Variants in GRM5 observed in about 807,000 individuals in gnomAD.
GRM5 encodes the protein glutamate metabotropic receptor 5.
GRM5 carries 19 observed loss-of-function variants against 83.1 expected under a neutral mutation model. The observed-to-expected ratio is 0.23, with a 90% CI of 0.16 to 0.34. The LOEUF (loss-of-function observed/expected upper bound fraction) is 0.34. GRM5 is among the 10% of genes least tolerant of loss of function. The pLI is 1.00. For synonymous variants in GRM5, 675 were observed against 633.6 expected (o/e 1.07, Z -0.98); for missense variants, 1,160 against 1,588.3 (o/e 0.73, Z 4.58).
intron 3 of GRM5, among the ~76,000 whole-genome samples, chr11:88,713,407 A>G (rs1184943862): frequency 2.0e-5 from 3 of 151,986 alleles, no homozygotes; most frequent in Non-Finnish European, 4.4e-5. Context: ...TGAAGATGAA[A>G]CAAGTTTGGT....
chr11:88,581,800 G>T lies in GRM5; in HGVS notation c.1690+8801C>A, dbSNP rs557878975. 5.8e-4 allele frequency among the ~76,000 whole-genome samples: 88 copies of T among 152,264 alleles called. 1 individual carries two copies. Among genetic ancestry groups the T allele is most frequent in the Middle Eastern group, 3.4e-3 (1 of 294 alleles). On this transcript the variant is annotated intron_variant, in intron 7 of 9. Coordinates refer to ENST00000305447, the MANE Select transcript of GRM5 (RefSeq NM_001143831.3). ...GCGACCGTGAAATGGTGGTGTACTTGCTCTGAATGTTATATTGGAAAAAAT... is the reference window on the plus strand; with the variant it reads ...GCGACCGTGAAATGGTGGTGTACTTTCTCTGAATGTTATATTGGAAAAAAT...
intron 2 of GRM5, among the ~76,000 whole-genome samples, chr11:88,936,471 ACTTT>A (rs1937898356): frequency 6.6e-6 from 1 of 151,734 alleles, no homozygotes; most frequent in Admixed American, 6.6e-5. Flanking sequence ...AATCTCTCAT[ACTTT>A]CTTCTGTTTA....
At chr11:88,601,185 T>C (rs778130035) in intron 5 of GRM5, among the ~76,000 whole-genome samples, 89 of 152,216 alleles carry the variant, frequency 5.8e-4, no homozygotes, top group Non-Finnish European at 4.4e-4. Context: ...TTTCTTTCTA[T>C]GACACAGATT....
chr11:88,861,608 G>A (rs751796540), intron 2 of GRM5, among the ~76,000 whole-genome samples: 1 of 151,952 alleles, frequency 6.6e-6, no homozygotes, highest in Non-Finnish European at 1.5e-5. Context: ...TGGGACTACA[G>A]GCACACACTA....
chr11:89,056,629 T>C (rs979698383), intron 1 of GRM5, among the ~76,000 whole-genome samples: 1 of 152,144 alleles, frequency 6.6e-6, no homozygotes, highest in African/African-American at 2.4e-5. Context: ...GGGGATAATA[T>C]GTCAGTAGAA....
chr11:89,059,202 CTGATA>C (rs1176539048), intron 1 of GRM5, among the ~76,000 whole-genome samples: 1 of 152,020 alleles, frequency 6.6e-6, no homozygotes, highest in Non-Finnish European at 1.5e-5. Flanking sequence ...TTTCTTGAAT[CTGATA>C]TATTTGCAAG....
intron 1 of GRM5, among the ~76,000 whole-genome samples, chr11:89,059,175 C>T (rs540184609): frequency 2.5e-3 from 387 of 152,168 alleles, no homozygotes; most frequent in Non-Finnish European, 4.3e-3. Context: ...TTGTGAACAA[C>T]TAATCATTAG....
At chr11:88,631,147 T>C (rs1938958958) in intron 4 of GRM5, among the ~76,000 whole-genome samples, 1 of 152,158 alleles carries the variant, frequency 6.6e-6, no homozygotes, top group African/African-American at 2.4e-5. Context: ...GGCAAACTCA[T>C]ATATAGCATC....
chr11:88,659,811 G>A (rs1939857533), intron 3 of GRM5, among the ~76,000 whole-genome samples: 1 of 152,186 alleles, frequency 6.6e-6, no homozygotes, highest in Non-Finnish European at 1.5e-5. Flanking sequence ...TGGAATGTTA[G>A]GGCAGCGATG....
intron 3 of GRM5, among the ~76,000 whole-genome samples, chr11:88,775,583 A>G (rs1367543481): frequency 6.6e-6 from 1 of 152,188 alleles, no homozygotes; most frequent in Non-Finnish European, 1.5e-5. Flanking sequence ...ATTTAGTGCT[A>G]TAAATTTCCC....
At chr11:88,575,833 T>C (rs1260796909) in intron 7 of GRM5, among the ~76,000 whole-genome samples, 2 of 151,812 alleles carry the variant, frequency 1.3e-5, no homozygotes, top group Non-Finnish European at 2.9e-5. Flanking sequence ...TCCTTCAAGG[T>C]TTATTACACA....
At chr11:88,885,470 T>G (rs1167211226) in intron 2 of GRM5, among the ~76,000 whole-genome samples, 1 of 144,468 alleles carries the variant, frequency 6.9e-6, no homozygotes, top group Non-Finnish European at 1.5e-5. Flanking sequence ...TTTTTTTTTT[T>G]TTTTTTTTTT....
chr11:88,719,014 TC>T (rs1941467182), intron 3 of GRM5, among the ~76,000 whole-genome samples: 1 of 151,520 alleles, frequency 6.6e-6, no homozygotes. Flanking sequence ...CAAACACTAT[TC>T]CCCTTCCCTC....
intron 8 of GRM5, among the ~76,000 whole-genome samples, chr11:88,552,621 G>A (rs780918068): frequency 9.9e-5 from 15 of 152,124 alleles, no homozygotes; most frequent in Admixed American, 2.0e-4. Flanking sequence ...CTACTGGCCA[G>A]GAAAGGGACC....
chr11:88,720,140 T>C (rs559224585), intron 3 of GRM5, among the ~76,000 whole-genome samples: 1 of 152,026 alleles, frequency 6.6e-6, no homozygotes, highest in Non-Finnish European at 1.5e-5. Flanking sequence ...CAATTGATAG[T>C]TGTTGAACAA....
intron 2 of GRM5, among the ~76,000 whole-genome samples, chr11:88,864,513 A>G (rs1214746924): frequency 6.6e-6 from 1 of 151,992 alleles, no homozygotes; most frequent in African/African-American, 2.4e-5. Flanking sequence ...ATTTTTGCAC[A>G]TTGATTTTGT....
intron 3 of GRM5, among the ~76,000 whole-genome samples, chr11:88,666,554 C>T (rs575821128): frequency 6.6e-6 from 1 of 152,332 alleles, no homozygotes; most frequent in South Asian, 2.1e-4. Flanking sequence ...TCCCACTAGG[C>T]CCCACCTAAC....
intron 1 of GRM5, among the ~76,000 whole-genome samples, chr11:89,065,244 C>A (rs1380276324): frequency 6.6e-6 from 1 of 151,408 alleles, no homozygotes; most frequent in Non-Finnish European, 1.5e-5. Flanking sequence ...AGGAGCCCAT[C>A]TCTCTTCCTA....
At chr11:89,061,232 G>A (rs1427422844) in intron 1 of GRM5, among the ~76,000 whole-genome samples, 2 of 152,098 alleles carry the variant, frequency 1.3e-5, no homozygotes, top group Non-Finnish European at 2.9e-5. Context: ...TAAAACATTT[G>A]TATATAGCTC....
Sources: gnomAD v4.1 joint callset for allele counts (sites outside exome capture counted in the v4.1 genomes callset) on GRCh38, gnomAD v4.1.1 for gene constraint, MANE v1.5 for transcripts, NCBI Gene and HGNC (gene_info 2026-07-23, HGNC 2026-07-21) for gene names.